Variants in LINGO2 observed in about 807,000 individuals in gnomAD.
LINGO2 encodes the protein leucine rich repeat and Ig domain containing 2.
A neutral mutation model predicts 30.6 loss-of-function variants in LINGO2; 14 were observed. That is an observed-to-expected ratio of 0.46 (90% confidence interval 0.30 to 0.72). The LOEUF is 0.72. LINGO2 is among the 30% of genes least tolerant of loss of function. The pLI, the probability that LINGO2 is intolerant of heterozygous loss-of-function variation, is 0.07. For missense variants in LINGO2, 729 were observed against 751.7 expected, an observed-to-expected ratio of 0.97 and a Z score of 0.35; for synonymous variants, 317 against 288.5, an observed-to-expected ratio of 1.10 and a Z score of -1.00.
At chr9:28,278,474 CTTTAA>C (rs1564091558) in intron 4 of LINGO2, among the ~76,000 whole-genome samples, 1 of 152,156 alleles carries the variant, frequency 6.6e-6, no homozygotes, top group African/African-American at 2.4e-5. Context: ...CAGCTGGTGA[CTTTAA>C]GTTGAAGCCA....
intron 4 of LINGO2, among the ~76,000 whole-genome samples, chr9:28,033,665 C>T (rs1392059361): frequency 6.6e-6 from 1 of 152,086 alleles, no homozygotes; most frequent in Admixed American, 6.5e-5. Context: ...AAAATTACTT[C>T]AAAATTTTTT....
At chr9:28,593,626 A>T (rs1375681115) in intron 1 of LINGO2, among the ~76,000 whole-genome samples, 1 of 152,092 alleles carries the variant, frequency 6.6e-6, no homozygotes, top group Non-Finnish European at 1.5e-5. Flanking sequence ...ACTTCTCTGC[A>T]AGCCAAGCCC....
the LINGO2 span, among the ~76,000 whole-genome samples, chr9:29,187,431 G>A: frequency 6.6e-6 from 1 of 152,040 alleles, no homozygotes; most frequent in Non-Finnish European, 1.5e-5. Context: ...TAATCTCTAA[G>A]CATACTATTT....
the LINGO2 span, among the ~76,000 whole-genome samples, chr9:28,682,510 G>C: frequency 2.2e-4 from 34 of 152,074 alleles, no homozygotes; most frequent in African/African-American, 8.0e-4. Context: ...TAGGAATCTT[G>C]AGGAGGTTTT....
At chr9:28,753,760 T>C in the LINGO2 span, among the ~76,000 whole-genome samples, 1 of 151,970 alleles carries the variant, frequency 6.6e-6, no homozygotes, top group Non-Finnish European at 1.5e-5. Context: ...TCACTGAACT[T>C]GGCAAGTAAC....
At chr9:29,072,073 C>G in the LINGO2 span, among the ~76,000 whole-genome samples, 176 of 152,168 alleles carry the variant, frequency 1.2e-3, no homozygotes, top group African/African-American at 4.1e-3. Context: ...AAGCCCTGTG[C>G]CTCCACTAGA....
intron 4 of LINGO2, among the ~76,000 whole-genome samples, chr9:28,020,744 A>T (rs1016431569): frequency 6.6e-6 from 1 of 152,156 alleles, no homozygotes; most frequent in African/African-American, 2.4e-5. Context: ...TTCAGATTGT[A>T]TCAATTTCTC....
At chr9:29,182,448 T>G in the LINGO2 span, among the ~76,000 whole-genome samples, 29 of 152,044 alleles carry the variant, frequency 1.9e-4, no homozygotes, top group Non-Finnish European at 5.9e-5. Flanking sequence ...AAAAAAAAAT[T>G]AAGTTGAGAG....
At chr9:28,330,720 C>A (rs1251438038) in intron 3 of LINGO2, among the ~76,000 whole-genome samples, 2 of 152,070 alleles carry the variant, frequency 1.3e-5, no homozygotes, top group African/African-American at 4.8e-5. Flanking sequence ...AAGCTGAGCC[C>A]CAACTTCATG....
intron 2 of LINGO2, among the ~76,000 whole-genome samples, chr9:28,386,645 A>T (rs1821592039): frequency 6.6e-6 from 1 of 152,216 alleles, no homozygotes; most frequent in Non-Finnish European, 1.5e-5. Flanking sequence ...TTAACAGAGC[A>T]GTACTTGGTG....
intron 3 of LINGO2, among the ~76,000 whole-genome samples, chr9:28,315,965 T>C (rs910898169): frequency 1.3e-5 from 2 of 152,176 alleles, no homozygotes; most frequent in African/African-American, 4.8e-5. Context: ...TAAAAGTGGC[T>C]CTGCCAATTA....
rs745613545 is a variant in LINGO2 at position 28,275,294 on chromosome 9, C to T, written c.-87+19914G>A. Among the ~76,000 whole-genome samples, 157 of 152,002 alleles carry T rather than the reference C, an allele frequency of 1.0e-3. 3 individuals carry two copies. The highest frequency in any genetic ancestry group is 6.8e-3 in the Middle Eastern group (2 of 294). On this transcript the variant is annotated intron_variant, in intron 4 of 5. Coordinates refer to ENST00000379992, the Ensembl canonical transcript of LINGO2. ...TTTACCGTGTTAGCCAGGATGGTCT[C>T]GACCTCCTGACCTCATGATCCGCCT... is the stretch of plus-strand genomic sequence containing the variant.
the LINGO2 span, among the ~76,000 whole-genome samples, chr9:28,993,894 G>A: frequency 2.0e-5 from 3 of 151,960 alleles, no homozygotes; most frequent in African/African-American, 7.3e-5. Context: ...ATCTATGACA[G>A]ACCCACAGCC....
At chr9:28,952,974 C>A in the LINGO2 span, among the ~76,000 whole-genome samples, 2 of 152,100 alleles carry the variant, frequency 1.3e-5, no homozygotes, top group Admixed American at 6.6e-5. Flanking sequence ...GAAATGTATG[C>A]ACAATGTCTG....
At chr9:29,048,363 G>A in the LINGO2 span, among the ~76,000 whole-genome samples, 2 of 151,666 alleles carry the variant, frequency 1.3e-5, no homozygotes, top group African/African-American at 4.8e-5. Flanking sequence ...TCATGGATCG[G>A]AAGAAAAAAT....
At chr9:29,135,543 G>A in the LINGO2 span, among the ~76,000 whole-genome samples, 10 of 145,156 alleles carry the variant, frequency 6.9e-5, no homozygotes, top group Admixed American at 3.5e-4. Flanking sequence ...GGGTGACAGA[G>A]TGACATTCCA....
At chr9:28,741,947 C>A in the LINGO2 span, among the ~76,000 whole-genome samples, 2 of 151,628 alleles carry the variant, frequency 1.3e-5, no homozygotes, top group Non-Finnish European at 2.9e-5. Context: ...GAGCCTGGAG[C>A]CCCTGCAGTC....
At chr9:28,094,747 G>T (rs1313860404) in intron 4 of LINGO2, among the ~76,000 whole-genome samples, 1 of 152,018 alleles carries the variant, frequency 6.6e-6, no homozygotes, top group Non-Finnish European at 1.5e-5. Context: ...CAACATTTGA[G>T]ATGAAATCAT....
At chr9:29,131,621 G>C in the LINGO2 span, among the ~76,000 whole-genome samples, 2 of 151,994 alleles carry the variant, frequency 1.3e-5, no homozygotes, top group Non-Finnish European at 2.9e-5. Flanking sequence ...AATGTAAACA[G>C]AGCTAAAATT....
Sources: gnomAD v4.1 joint callset for allele counts (sites outside exome capture counted in the v4.1 genomes callset) on GRCh38, gnomAD v4.1.1 for gene constraint, MANE v1.5 for transcripts, NCBI Gene and HGNC (gene_info 2026-07-23, HGNC 2026-07-21) for gene names.